TIMD4: variants seen among roughly 807,000 people sequenced by gnomAD.
TIMD4 encodes the protein T cell immunoglobulin and mucin domain containing 4, also known as T-cell immunoglobulin and mucin domain-containing protein 4.
Under a neutral mutation model 41.2 loss-of-function variants are expected in TIMD4, and 31 were observed. The ratio of observed to expected loss-of-function variants is 0.75; its 90% confidence interval spans 0.57 to 1.01. The LOEUF (loss-of-function observed/expected upper bound fraction) is 1.01, where lower values mean the gene tolerates loss of function less well. TIMD4 is among the 50% of genes least tolerant of loss of function. The pLI, the probability that TIMD4 is intolerant of heterozygous loss-of-function variation, is 0.00. For missense variants in TIMD4, 479 were observed against 472.5 expected (o/e 1.01, Z -0.13); for synonymous variants, 204 against 177.1 (o/e 1.15, Z -1.21).
intron 1 of TIMD4, among the ~76,000 whole-genome samples, chr5:156,962,859 A>G (rs574201994): frequency 1.3e-5 from 2 of 152,168 alleles, no homozygotes; most frequent in African/African-American, 2.4e-5. Flanking sequence ...CTTTTCCCCA[A>G]TTTATCTGAC....
At chr5:156,922,032 C>T (rs1480324317) in intron 7 of TIMD4, 67 bp downstream of exon 7, 2 of 1,257,558 alleles carry the variant, frequency 1.6e-6, no homozygotes, top group Non-Finnish European at 2.3e-6. Flanking sequence ...GAAGTGGAGA[C>T]AACTCCAGAT....
intron 5 of TIMD4, chr5:156,935,534 G>T (rs577611753): frequency 6.6e-6 from 1 of 152,308 alleles, no homozygotes; most frequent in African/African-American, 2.4e-5. Context: ...ATTGGGTGGG[G>T]TCCATGTTGG....
At chr5:156,924,300 G>C in intron 6 of TIMD4, 2 of 348,984 alleles carry the variant, frequency 5.7e-6, no homozygotes, top group East Asian at 1.6e-4. Context: ...CCCAGCTTAG[G>C]AAAGCATCTC....
At chr5:156,951,369 T>TGGG (rs1759849552) in intron 3 of TIMD4, 143 bp downstream of exon 3, 4 of 1,010,124 alleles carry the variant, frequency 4.0e-6, no homozygotes, top group Non-Finnish European at 5.8e-6. Flanking sequence ...CAGTCTGCGG[T>TGGG]GTTTGTTTGA....
intron 5 of TIMD4, among the ~76,000 whole-genome samples, chr5:156,945,451 GATA>G (rs2113374239): frequency 6.6e-6 from 1 of 152,264 alleles, no homozygotes; most frequent in Admixed American, 6.5e-5. Context: ...ATAAAATGAG[GATA>G]ATATCTGTAG....
In TIMD4 at chr5:156,954,921, A is replaced by G. The variant is rs535060416; in HGVS notation, c.59-165T>C. Among the ~76,000 whole-genome samples the G allele has an allele frequency of 9.5e-4, 144 of 151,768 alleles. 1 individual carries two copies. Among genetic ancestry groups the G allele is most frequent in the African/African-American group, 3.3e-3 (137 of 41,328 alleles). ...GATACAGGGTCTTGCTTTGTCACCCAGGCTGGAGTGCAGTGGTACAATCAT... is the reference window on the plus strand; with the variant it reads ...GATACAGGGTCTTGCTTTGTCACCCGGGCTGGAGTGCAGTGGTACAATCAT... On this transcript the variant is annotated intron_variant, in intron 1 of 8. Coordinates refer to ENST00000274532, the MANE Select transcript of TIMD4 (RefSeq NM_138379.3).
At chr5:156,961,184 C>G (rs917586259) in intron 1 of TIMD4, among the ~76,000 whole-genome samples, 1 of 152,190 alleles carries the variant, frequency 6.6e-6, no homozygotes, top group Non-Finnish European at 1.5e-5. Context: ...AATGAGGTAT[C>G]ACTTCATTTC....
rs998919063 is a variant in TIMD4, at chr5:156,958,226, C to T, written c.59-3470G>A. Among the ~76,000 whole-genome samples, 14 of 151,656 alleles carry T rather than the reference C, an allele frequency of 9.2e-5. No homozygotes were observed. The East Asian group carries it at 2.5e-3, about 27-fold the overall frequency. On this transcript the variant is annotated intron_variant, in intron 1 of 8. Coordinates refer to ENST00000274532, the MANE Select transcript of TIMD4 (RefSeq NM_138379.3). ...GGCAGAGGTTGCAGTTAGCCAAGAT[C>T]ACACCATTGCACTCCAGCCTCGGCA...
intron 5 of TIMD4, among the ~76,000 whole-genome samples, chr5:156,933,849 C>T (rs536359321): frequency 6.6e-6 from 1 of 152,146 alleles, no homozygotes; most frequent in African/African-American, 2.4e-5. Context: ...TGTGAGCCAC[C>T]GTGCCCGGCC....
Position 156,920,355 on chromosome 5 carries a change from T to C in TIMD4, c.1052+109A>G, listed in dbSNP as rs1052324892. 14 of 1,212,806 alleles carry C rather than the reference T, an allele frequency of 1.2e-5. No homozygotes were observed. The Admixed American group carries it at 1.3e-4, about 11-fold the overall frequency. 75.1% of individuals were successfully genotyped at this position (1,212,806 alleles called of 1,614,324 possible). ...TTCTAATGTCACATCTTTCCAACTC[T>C]ATGTGTAATCGTAACACAAGCTCAA... is the stretch of plus-strand genomic sequence containing the variant. On this transcript the variant is annotated intron_variant, in intron 8 of 8. Coordinates refer to ENST00000274532, the MANE Select transcript of TIMD4 (RefSeq NM_138379.3).
At chr5:156,924,543 A>G in intron 6 of TIMD4, 1 of 389,152 alleles carries the variant, frequency 2.6e-6, no homozygotes, top group Non-Finnish European at 5.1e-6. Flanking sequence ...ACCCAGTTTC[A>G]TAGGATTAGC....
intron 8 of TIMD4, 117 bp downstream of exon 8, chr5:156,920,347 T>C (rs1759211938): frequency 8.6e-7 from 1 of 1,162,026 alleles, no homozygotes. Flanking sequence ...GTCACATCTT[T>C]CCAACTCTAT....
rs189824167 is a variant in TIMD4 at position 156,963,060 on chromosome 5, G to A, written c.58+81C>T. 13 of 1,408,560 alleles carry A rather than the reference G, an allele frequency of 9.2e-6. No homozygotes were observed. In the East Asian group the frequency reaches 2.3e-4, roughly 25 times the overall value. 87.3% of individuals were successfully genotyped at this position (1,408,560 alleles called of 1,614,324 possible). On this transcript the variant is annotated intron_variant, in intron 1 of 8. Coordinates refer to ENST00000274532, the MANE Select transcript of TIMD4 (RefSeq NM_138379.3). The stretch of plus-strand genomic sequence containing the variant: ...TGAAGTGAGCTTCTGCTTCACTGAG[G>A]CCCAAACCAGTGCATGGAAATCCAT...
intron 6 of TIMD4, chr5:156,924,299 G>T: frequency 2.9e-6 from 1 of 349,478 alleles, no homozygotes; most frequent in South Asian, 2.5e-5. Flanking sequence ...ACCCAGCTTA[G>T]GAAAGCATCT....
intron 5 of TIMD4, among the ~76,000 whole-genome samples, chr5:156,938,177 G>A (rs903286480): frequency 1.3e-5 from 2 of 152,172 alleles, no homozygotes; most frequent in East Asian, 3.8e-4. Context: ...GGAGCCAGAA[G>A]AGACTCCTAC....
Position 156,954,416 on chromosome 5 carries a change from T to C in TIMD4, c.399A>G (p.Arg133=), listed in dbSNP as rs1425710893. The change falls in exon 2 of 9, where the codon AGA becomes AGG. Residue 133 remains arginine (R), a splice_region_variant and synonymous_variant. Coordinates refer to ENST00000274532, the MANE Select transcript of TIMD4 (RefSeq NM_138379.3). The part of the protein sequence containing the change: ...VKINVRLNLQ[R]ASTTTHRTAT... ...GCATGAGGCCCTTCGTGTGCTTACC[T>C]CTCTGTAGATTCAGGCGCACGTTTA... 6.2e-7 allele frequency: 1 copy of C among 1,612,248 alleles called. No homozygotes were observed. Among genetic ancestry groups the C allele is most frequent in the Non-Finnish European group, 8.5e-7 (1 of 1,179,064 alleles).
intron 1 of TIMD4, among the ~76,000 whole-genome samples, chr5:156,958,557 A>G (rs552952624): frequency 6.6e-6 from 1 of 152,300 alleles, no homozygotes; most frequent in East Asian, 1.9e-4. Context: ...GTGGGAAGGG[A>G]CTTAGGAAAT....
chr5:156,955,492 T>C (rs1046368364), intron 1 of TIMD4, among the ~76,000 whole-genome samples: 5 of 152,154 alleles, frequency 3.3e-5, no homozygotes, highest in African/African-American at 1.2e-4. Context: ...CCGTCTCTAC[T>C]AAAAATACAA....
chr5:156,923,796 T>C (rs978065764), intron 6 of TIMD4, among the ~76,000 whole-genome samples: 1 of 151,798 alleles, frequency 6.6e-6, no homozygotes, highest in African/African-American at 2.4e-5. Flanking sequence ...TCCTCCTGCC[T>C]CGGCTTCCCA....
Sources: gnomAD v4.1 joint callset for allele counts (sites outside exome capture counted in the v4.1 genomes callset) on GRCh38, gnomAD v4.1.1 for gene constraint, MANE v1.5 for transcripts, NCBI Gene and HGNC (gene_info 2026-07-23, HGNC 2026-07-21) for gene names.